ILRUN: variants seen among roughly 807,000 people sequenced by gnomAD.
The protein encoded by ILRUN is protein ILRUN.
In ILRUN, 3 loss-of-function variants were observed where a neutral mutation model predicts 33.8. The ratio of observed to expected loss-of-function variants is 0.09; its 90% confidence interval spans 0.04 to 0.23. ILRUN has a LOEUF of 0.23. Among genes scored for constraint, ILRUN ranks in the 10% least tolerant of loss-of-function variants. The pLI, the probability that ILRUN is intolerant of heterozygous loss-of-function variation, is 1.00. For synonymous variants in ILRUN, 124 were observed against 138.9 expected, an observed-to-expected ratio of 0.89 and a Z score of 0.75; for missense variants, 210 against 375.1, an observed-to-expected ratio of 0.56 and a Z score of 3.64.
chr6:34,606,459 G>T, intron 4 of ILRUN, 96 bp downstream of exon 4: 1 of 948,000 alleles, frequency 1.1e-6, no homozygotes, highest in Non-Finnish European at 1.6e-6. Flanking sequence ...AACCTCCTCT[G>T]GGGAGCGGCA....
rs540776796 is a variant in ILRUN at position 34,691,766 on chromosome 6, G to A, written c.158+4680C>T. Among the ~76,000 whole-genome samples the A allele has an allele frequency of 1.3e-3, 191 of 151,782 alleles. 1 individual carries two copies. Among genetic ancestry groups the A allele is most frequent in the African/African-American group, 4.5e-3 (184 of 41,290 alleles). On this transcript the variant is annotated intron_variant, in intron 1 of 4. Coordinates refer to ENST00000374023, the MANE Select transcript of ILRUN (RefSeq NM_024294.4). ...AGCCAAGATCGCACCACTGCACTCC[G>A]GCCTGGGCGACAGAGCAAAACTCTG...
rs765725871 is a variant in ILRUN, at chr6:34,592,604, T to G, written c.862-2004A>C. Among the ~76,000 whole-genome samples, 23 of 152,194 alleles carry G rather than the reference T, an allele frequency of 1.5e-4. No individual in the cohort carries two copies. Among genetic ancestry groups the G allele is most frequent in the Non-Finnish European group, 2.9e-4 (20 of 68,028 alleles). ...TTTTATTTTTATTTTTTATTTTTAT[T>G]TTTTTCAAGACAGAGTCAAGTGCTG... is the stretch of plus-strand genomic sequence containing the variant. On this transcript the variant is annotated intron_variant, in intron 4 of 4. Transcript: ENST00000374023. The surrounding 1 kb of genome is among the most constrained non-coding windows in gnomAD (Gnocchi z 4.0).
chr6:34,611,177 G>A (rs1761744667), intron 3 of ILRUN, among the ~76,000 whole-genome samples: 1 of 150,540 alleles, frequency 6.6e-6, no homozygotes, highest in Admixed American at 6.6e-5. Context: ...AAACTCCTGG[G>A]CTCAAGCGAT....
rs377335612 is a variant in ILRUN, at chr6:34,616,636, G to A, written c.512-9732C>T. ...AGCTGAAGATCAATCGCCTGAGAAAGAAGTTTGCCCAAAAGGTGCTTTGAA... is the reference window on the plus strand; with the variant it reads ...AGCTGAAGATCAATCGCCTGAGAAAAAAGTTTGCCCAAAAGGTGCTTTGAA... On this transcript the variant is annotated intron_variant, in intron 3 of 4. Coordinates refer to ENST00000374023, the MANE Select transcript of ILRUN (RefSeq NM_024294.4). 89 of 1,541,394 alleles carry A rather than the reference G, an allele frequency of 5.8e-5. No homozygotes were observed. The East Asian group carries it at 8.1e-4, about 14-fold the overall frequency.
At chr6:34,606,143 G>A (rs930725191) in intron 4 of ILRUN, among the ~76,000 whole-genome samples, 1 of 152,176 alleles carries the variant, frequency 6.6e-6, no homozygotes, top group Non-Finnish European at 1.5e-5. Context: ...CTGGGTCATG[G>A]ATAAGGAAGT....
chr6:34,692,090 C>CTT (rs1763660714), intron 1 of ILRUN, among the ~76,000 whole-genome samples: 1 of 152,152 alleles, frequency 6.6e-6, no homozygotes, highest in Non-Finnish European at 1.5e-5. Flanking sequence ...CAGCCTCCCA[C>CTT]TTAGCTGGGA....
rs765996037 is a variant in ILRUN, at chr6:34,606,811, G to A, written c.605C>T (p.Pro202Leu). 2.5e-6 allele frequency: 4 copies of A among 1,614,092 alleles called. No individual in the cohort carries two copies. The highest frequency in any genetic ancestry group is 4.5e-5 in the East Asian group (2 of 44,880). ...GAAGTTTCCTTCTACCTTACGATGC[G>A]GCTGTGTGTTGAACTCCGTTTCAAA... is the stretch of plus-strand genomic sequence containing the variant. ...SSFETEFNTQPHRKVEGNFNP... is the reference protein window; with the variant it reads ...SSFETEFNTQLHRKVEGNFNP... The change falls in exon 4 of 5, where the codon CCG becomes CTG. Residue 202 changes from proline to leucine, a missense_variant. By Grantham distance (98) the Pro-to-Leu change is moderately conservative. This residue lies in a region of ILRUN where 60 missense variants were observed against 138.1 expected (regional missense o/e 0.43). Coordinates refer to ENST00000374023, the MANE Select transcript of ILRUN (RefSeq NM_024294.4).
intron 3 of ILRUN, among the ~76,000 whole-genome samples, chr6:34,609,951 G>T (rs1339710541): frequency 1.3e-5 from 2 of 152,016 alleles, no homozygotes; most frequent in Admixed American, 1.3e-4. Flanking sequence ...GAGGTCAGGA[G>T]ATCGAGACCA....
At chr6:34,593,988 T>C (rs1761345613) in intron 4 of ILRUN, among the ~76,000 whole-genome samples, 1 of 152,090 alleles carries the variant, frequency 6.6e-6, no homozygotes, top group Non-Finnish European at 1.5e-5. Flanking sequence ...GGGAGGCCCA[T>C]CCACATTTCA....
chr6:34,608,092 TAA>T (rs71538249), intron 3 of ILRUN, among the ~76,000 whole-genome samples: 14 of 144,162 alleles, frequency 9.7e-5, no homozygotes, highest in African/African-American at 1.0e-4. Flanking sequence ...CACCCTGTCT[TAA>T]AAAAAAAAAA....
chr6:34,614,445 T>C (rs868853455), intron 3 of ILRUN, among the ~76,000 whole-genome samples: 1 of 116,730 alleles, frequency 8.6e-6, no homozygotes, highest in Admixed American at 8.1e-5. Context: ...AAAAAAAAAA[T>C]ATATATATAT....
In ILRUN at chr6:34,614,472, AT is replaced by A. The variant is rs1429619325; in HGVS notation, c.512-7569del. ...TATATATATAAAATGTATATTATAT[AT>A]TTTTTATATATTATTATATATATTA... is the stretch of plus-strand genomic sequence containing the variant. On this transcript the variant is annotated intron_variant, in intron 3 of 4. Coordinates refer to ENST00000374023, the MANE Select transcript of ILRUN (RefSeq NM_024294.4). Among the ~76,000 whole-genome samples, 246 of 139,834 alleles carry A rather than the reference AT, an allele frequency of 1.8e-3. 5 individuals carry two copies. The highest frequency in any genetic ancestry group is 5.6e-3 in the African/African-American group (201 of 35,806). The allele number at this position is 139,834 out of a possible 152,430, so 91.7% of individuals were successfully genotyped here.
At chr6:34,595,662 T>C (rs1256283168) in intron 4 of ILRUN, 2 of 656,614 alleles carry the variant, frequency 3.0e-6, no homozygotes, top group South Asian at 1.4e-4. Flanking sequence ...ACTCTTTCTG[T>C]ATACGAAAGC....
At chr6:34,689,798 G>T (rs1030527825) in intron 1 of ILRUN, among the ~76,000 whole-genome samples, 28 of 151,216 alleles carry the variant, frequency 1.9e-4, no homozygotes, top group Non-Finnish European at 2.9e-4. Context: ...ACAATGTTGA[G>T]AAAATTAATA....
intron 1 of ILRUN, chr6:34,687,081 C>T (rs889437041): frequency 2.2e-5 from 4 of 178,162 alleles, no homozygotes; most frequent in Admixed American, 5.3e-5. Context: ...GGCGATAAGA[C>T]GAGAAAGGAC....
chr6:34,691,789 CTG>C (rs1439492868), intron 1 of ILRUN, among the ~76,000 whole-genome samples: 1 of 150,444 alleles, frequency 6.6e-6, no homozygotes, highest in Non-Finnish European at 1.5e-5. Context: ...GAGCAAAACT[CTG>C]TCTCAAAAAA....
intron 4 of ILRUN, among the ~76,000 whole-genome samples, chr6:34,593,164 G>GT (rs1761329834): frequency 6.6e-6 from 1 of 152,092 alleles, no homozygotes. Flanking sequence ...GCGAGACAGA[G>GT]TAAGACCTTC....
chr6:34,616,708 C>A, intron 3 of ILRUN: 1 of 825,978 alleles, frequency 1.2e-6, no homozygotes, highest in Non-Finnish European at 2.0e-6. Flanking sequence ...AGCAGATGCA[C>A]AGAACTGAAA....
At chr6:34,607,943 A>C (rs1012985238) in intron 3 of ILRUN, among the ~76,000 whole-genome samples, 4 of 152,152 alleles carry the variant, frequency 2.6e-5, no homozygotes, top group Non-Finnish European at 5.9e-5. Flanking sequence ...AAACTTAAAA[A>C]TTAGCTGGCC....
Sources: gnomAD v4.1 joint callset for allele counts (sites outside exome capture counted in the v4.1 genomes callset) on GRCh38, gnomAD v4.1.1 for gene constraint, gnomAD v4.1.1 regional missense constraint, Gnocchi (gnomAD v3.1) non-coding constraint, MANE v1.5 for transcripts, NCBI Gene and HGNC (gene_info 2026-07-23, HGNC 2026-07-21) for gene names.